The following JARID2 variants were observed in gnomAD, a reference collection of about 807,000 sequenced individuals.
JARID2 encodes jumonji and AT-rich interaction domain containing 2.
A neutral mutation model predicts 125.6 loss-of-function variants in JARID2; 21 were observed. The ratio of observed to expected loss-of-function variants is 0.17; its 90% confidence interval spans 0.12 to 0.24. The LOEUF is 0.24. Among genes scored for constraint, JARID2 ranks in the 10% least tolerant of loss-of-function variants. JARID2 has a pLI of 1.00. For synonymous variants in JARID2, 736 were observed against 661.6 expected (o/e 1.11, Z -1.73); for missense variants, 1,303 against 1,639.6 (o/e 0.79, Z 3.55).
intron 1 of JARID2, among the ~76,000 whole-genome samples, chr6:15,356,884 C>T (rs1031214306): frequency 1.3e-5 from 2 of 151,974 alleles, no homozygotes; most frequent in Non-Finnish European, 2.9e-5. Context: ...CTTGGTGGCA[C>T]GTGCCTGTAG....
At chr6:15,474,078 C>A (rs35868206) in intron 5 of JARID2, among the ~76,000 whole-genome samples, 32,154 of 152,160 alleles carry the variant, frequency 0.21, 3,909 homozygotes, top group Middle Eastern at 0.36. Context: ...TATATCAAGG[C>A]AGATGACAAG....
rs546820934 is a variant in JARID2 at position 15,441,995 on chromosome 6, T to C, written c.324-10011T>C. 2.4e-3 allele frequency among the ~76,000 whole-genome samples: 369 copies of C among 152,198 alleles called. 2 individuals are homozygous for C. The highest frequency in any genetic ancestry group is 5.9e-3 in the Admixed American group (90 of 15,288). On this transcript the variant is annotated intron_variant, in intron 3 of 17. Transcript: ENST00000341776. ...TTAGTAGAGACCATGTTAGTCAGGC[T>C]GGTCTCAAACTCCTGACCTCAGGTG...
chr6:15,265,050 G>A (rs1290046593), intron 1 of JARID2, among the ~76,000 whole-genome samples: 1 of 152,162 alleles, frequency 6.6e-6, no homozygotes, highest in African/African-American at 2.4e-5. Context: ...TGTTTCATCA[G>A]CTGCATAAGT....
intron 1 of JARID2, among the ~76,000 whole-genome samples, chr6:15,313,869 G>C (rs926783276): frequency 6.6e-6 from 1 of 152,102 alleles, no homozygotes; most frequent in African/African-American, 2.4e-5. Flanking sequence ...CCTGCCTTGG[G>C]CCTAGGAGAG....
intron 1 of JARID2, among the ~76,000 whole-genome samples, chr6:15,366,605 G>A (rs1246954550): frequency 6.6e-6 from 1 of 151,902 alleles, no homozygotes; most frequent in Non-Finnish European, 1.5e-5. Context: ...TGTGTTAGGA[G>A]ATCTTCCTGC....
intron 1 of JARID2, among the ~76,000 whole-genome samples, chr6:15,289,156 C>T (rs993491592): frequency 2.0e-5 from 3 of 152,050 alleles, no homozygotes; most frequent in Admixed American, 6.6e-5. Flanking sequence ...ATGATTTCCT[C>T]CAGCAGAAGG....
rs1760520926 is a variant in JARID2, at chr6:15,276,375, ATAAAG to A, written c.45+29794_45+29798del. On this transcript the variant is annotated intron_variant, in intron 1 of 17. Transcript: ENST00000341776. Reference sequence around the variant, plus strand: ...CTTGCCTAAAAGGGTCCCTGGAGAGATAAAGTATATTCCTGCCAGTGCATTTAGGG... The same window carrying A: ...CTTGCCTAAAAGGGTCCCTGGAGAGATATATTCCTGCCAGTGCATTTAGGG... Among the ~76,000 whole-genome samples, 4 of 152,214 alleles carry A rather than the reference ATAAAG, an allele frequency of 2.6e-5. No homozygotes were observed. The South Asian group carries it at 8.3e-4, about 31-fold the overall frequency.
chr6:15,496,101 T>G, intron 6 of JARID2, 31 bp from the exon 7 acceptor site: 1 of 1,568,826 alleles, frequency 6.4e-7, no homozygotes, highest in Non-Finnish European at 8.6e-7. Context: ...ATTCTGCGTT[T>G]TTTTCCACCT....
chr6:15,427,823 A>C (rs1005671257), intron 3 of JARID2, among the ~76,000 whole-genome samples: 1 of 151,822 alleles, frequency 6.6e-6, no homozygotes, highest in African/African-American at 2.4e-5. Context: ...GAAGGAGGTG[A>C]CAGCCATTAA....
chr6:15,256,645 G>A (rs544714021), intron 1 of JARID2, among the ~76,000 whole-genome samples: 2 of 152,032 alleles, frequency 1.3e-5, no homozygotes, highest in East Asian at 3.9e-4. Context: ...TCCTCTACTT[G>A]CTTGGTGAAT....
intron 3 of JARID2, among the ~76,000 whole-genome samples, chr6:15,450,273 G>A (rs1192617562): frequency 1.3e-5 from 2 of 152,114 alleles, no homozygotes; most frequent in African/African-American, 2.4e-5. Flanking sequence ...GGGTTCCAGC[G>A]ATTCTCCTGC....
rs553380235 is a variant in JARID2, at chr6:15,246,333, C to T, written c.-207C>T. ...TGAATTTTTTTTTGTTTGCTTCGTT[C>T]GTCTTTGGCTCTTTTTTTTTCCTTC... On this transcript the variant is annotated 5_prime_UTR_variant, in exon 1 of 18. Coordinates refer to ENST00000341776, the MANE Select transcript of JARID2 (RefSeq NM_004973.4). The T allele has an allele frequency of 1.8e-6, 1 of 541,858 alleles. No individual in the cohort carries two copies. Among genetic ancestry groups the T allele is most frequent in the East Asian group, 3.1e-5 (1 of 32,110 alleles). 33.6% of individuals were successfully genotyped at this position (541,858 alleles called of 1,614,324 possible).
At chr6:15,457,845 G>A (rs151186569) in intron 4 of JARID2, among the ~76,000 whole-genome samples, 1 of 152,180 alleles carries the variant, frequency 6.6e-6, no homozygotes, top group African/African-American at 2.4e-5. Context: ...GTCATTCTGA[G>A]GTTAAAAGCT....
chr6:15,438,836 A>G (rs934112928), intron 3 of JARID2, among the ~76,000 whole-genome samples: 4 of 152,202 alleles, frequency 2.6e-5, no homozygotes, highest in African/African-American at 9.6e-5. Context: ...AGAGACCACC[A>G]GCCTGGGTAA....
chr6:15,251,854 TG>T (rs570169922), intron 1 of JARID2, among the ~76,000 whole-genome samples: 2 of 152,286 alleles, frequency 1.3e-5, no homozygotes, highest in South Asian at 4.1e-4. Context: ...GGCGCATGCC[TG>T]TAATCCCAGC....
intron 1 of JARID2, among the ~76,000 whole-genome samples, chr6:15,334,672 A>G (rs900977001): frequency 6.6e-6 from 1 of 152,180 alleles, no homozygotes; most frequent in African/African-American, 2.4e-5. Context: ...ACCAAAGGGC[A>G]TCTTCCATCA....
At chr6:15,507,298 C>A (rs1771051165) in intron 10 of JARID2, 44 bp downstream of exon 10, 1 of 1,601,026 alleles carries the variant, frequency 6.2e-7, no homozygotes, top group Non-Finnish European at 8.6e-7. Flanking sequence ...GATGTGACTG[C>A]ATCCTTTCCC....
intron 1 of JARID2, among the ~76,000 whole-genome samples, chr6:15,252,207 CAG>C (rs1283248240): frequency 6.6e-6 from 1 of 152,120 alleles, no homozygotes; most frequent in African/African-American, 2.4e-5. Flanking sequence ...ACAGAACGTT[CAG>C]AGACTTAAGC....
intron 3 of JARID2, among the ~76,000 whole-genome samples, chr6:15,410,987 G>C (rs1765852341): frequency 6.6e-6 from 1 of 152,184 alleles, no homozygotes; most frequent in African/African-American, 2.4e-5. Context: ...CAGTGGCAGT[G>C]ACATTTTATA....
Sources: allele counts gnomAD v4.1 joint callset (sites outside exome capture counted in the v4.1 genomes callset), GRCh38; gene constraint gnomAD v4.1.1; transcripts MANE v1.5; gene names NCBI Gene and HGNC (gene_info 2026-07-23, HGNC 2026-07-21).